The following SLC14A2 variants were observed in gnomAD, a reference collection of about 807,000 sequenced individuals.
The protein encoded by SLC14A2 is solute carrier family 14 member 2.
In SLC14A2, 91 loss-of-function variants were observed where a neutral mutation model predicts 104.6. That is an observed-to-expected ratio of 0.87 (90% CI 0.73 to 1.04). SLC14A2 has a LOEUF of 1.04. Among genes scored for constraint, SLC14A2 ranks in the 50% least tolerant of loss-of-function variants. The pLI, the probability that SLC14A2 is intolerant of heterozygous loss-of-function variation, is 0.00. For missense variants in SLC14A2, 1,189 were observed against 1,156.0 expected, an observed-to-expected ratio of 1.03 and a Z score of -0.41; for synonymous variants, 476 against 466.4, an observed-to-expected ratio of 1.02 and a Z score of -0.27.
chr18:45,657,394 G>A (rs1213535997), intron 10 of SLC14A2, among the ~76,000 whole-genome samples: 1 of 151,760 alleles, frequency 6.6e-6, no homozygotes, highest in Non-Finnish European at 1.5e-5. Context: ...GGCTGAGACA[G>A]GAGAATTGCT....
rs183807222 is a variant in SLC14A2 at position 45,619,921 on chromosome 18, G to A, written c.-35+4339G>A. Among the ~76,000 whole-genome samples the A allele has an allele frequency of 2.8e-4, 43 of 152,328 alleles. 1 individual carries two copies. The East Asian group carries it at 8.1e-3, about 29-fold the overall frequency. On this transcript the variant is annotated intron_variant, in intron 1 of 19. Coordinates refer to ENST00000255226, the MANE Select transcript of SLC14A2 (RefSeq NM_007163.4). ...CAAGTCAGCAATTTCACTGTCCTGA[G>A]AAGCCTACGTTGCCCTTCGGAGACA...
chr18:45,471,663 T>C (rs1472471725), intron 1 of SLC14A2, among the ~76,000 whole-genome samples: 1 of 152,162 alleles, frequency 6.6e-6, no homozygotes, highest in Non-Finnish European at 1.5e-5. Flanking sequence ...AGTCTGTTTT[T>C]GTGTCTTGAG....
intron 10 of SLC14A2, among the ~76,000 whole-genome samples, chr18:45,657,244 G>A (rs1222465991): frequency 6.6e-6 from 1 of 152,132 alleles, no homozygotes; most frequent in Non-Finnish European, 1.5e-5. Context: ...GGCAGAAGCG[G>A]GTGGATCACC....
At chr18:45,633,302 T>C (rs1413551015) in intron 5 of SLC14A2, among the ~76,000 whole-genome samples, 1 of 152,218 alleles carries the variant, frequency 6.6e-6, no homozygotes, top group East Asian at 1.9e-4. Context: ...AACCAAGACC[T>C]AAAAGCTGAA....
At chr18:45,576,401 G>C (rs576490397) in intron 2 of SLC14A2, among the ~76,000 whole-genome samples, 3 of 148,920 alleles carry the variant, frequency 2.0e-5, no homozygotes, top group Non-Finnish European at 3.0e-5. Context: ...CTCCTCCCTC[G>C]GTCTCCTGAG....
chr18:45,194,868 T>C, the SLC14A2 span, among the ~76,000 whole-genome samples: 1 of 152,012 alleles, frequency 6.6e-6, no homozygotes, highest in Non-Finnish European at 1.5e-5. Context: ...ACGGTCTCAA[T>C]CTCCCGACCT....
intron 1 of SLC14A2, among the ~76,000 whole-genome samples, chr18:45,356,384 C>T (rs572057129): frequency 6.6e-6 from 1 of 152,254 alleles, no homozygotes; most frequent in South Asian, 2.1e-4. Context: ...TATAGGAGTG[C>T]TGGTTAAACA....
At chr18:45,371,861 G>A (rs1353117279) in intron 1 of SLC14A2, among the ~76,000 whole-genome samples, 1 of 152,196 alleles carries the variant, frequency 6.6e-6, no homozygotes, top group South Asian at 2.1e-4. Context: ...TCATTGACGA[G>A]TATGTGTACC....
At chr18:45,245,173 A>C (rs376987237) in intron 1 of SLC14A2, among the ~76,000 whole-genome samples, 2 of 152,342 alleles carry the variant, frequency 1.3e-5, no homozygotes, top group Non-Finnish European at 2.9e-5. Flanking sequence ...CAATGGAGCA[A>C]ACTTCTAATT....
intron 2 of SLC14A2, among the ~76,000 whole-genome samples, chr18:45,547,068 G>T (rs564036491): frequency 3.9e-5 from 6 of 152,256 alleles, no homozygotes; most frequent in East Asian, 1.9e-4. Context: ...TCTGATTAGG[G>T]CATGGGCTAA....
At chr18:45,514,293 C>A (rs759158312) in intron 2 of SLC14A2, among the ~76,000 whole-genome samples, 20 of 152,086 alleles carry the variant, frequency 1.3e-4, no homozygotes, top group Non-Finnish European at 2.5e-4. Context: ...ACATGACTGA[C>A]GGGAGAGAGA....
chr18:45,454,884 C>T (rs1025543240), intron 1 of SLC14A2, among the ~76,000 whole-genome samples: 3 of 152,132 alleles, frequency 2.0e-5, no homozygotes, highest in African/African-American at 7.2e-5. Flanking sequence ...GGTACCAGTA[C>T]CATGCTGTTT....
chr18:45,458,115 G>C (rs192337002), intron 1 of SLC14A2, among the ~76,000 whole-genome samples: 21 of 152,204 alleles, frequency 1.4e-4, no homozygotes, highest in Non-Finnish European at 3.1e-4. Flanking sequence ...ATCCCTGAAG[G>C]GAGATAGACA....
chr18:45,202,911 T>A, the SLC14A2 span, among the ~76,000 whole-genome samples: 9 of 151,680 alleles, frequency 5.9e-5, no homozygotes, highest in Non-Finnish European at 1.2e-4. Context: ...CAGTAATGTG[T>A]AAAGAAAAAA....
chr18:45,657,742 A>C (rs1386935872), intron 10 of SLC14A2, among the ~76,000 whole-genome samples: 1 of 152,198 alleles, frequency 6.6e-6, no homozygotes, highest in Non-Finnish European at 1.5e-5. Context: ...TTGTGGCCTC[A>C]GTTTCCAAAT....
At chr18:45,622,146 G>A (rs56237282) in intron 1 of SLC14A2, among the ~76,000 whole-genome samples, 12,212 of 152,228 alleles carry the variant, frequency 0.08, 648 homozygotes, top group Non-Finnish European at 0.12. Flanking sequence ...TCTTCCCTGC[G>A]GGGCATGGCT....
At chr18:45,199,531 T>C in the SLC14A2 span, among the ~76,000 whole-genome samples, 1 of 152,206 alleles carries the variant, frequency 6.6e-6, no homozygotes, top group Non-Finnish European at 1.5e-5. Context: ...GTTTCTCACT[T>C]CCATCTATAA....
chr18:45,478,900 TC>T lies in SLC14A2; in HGVS notation c.-124-4329del, dbSNP rs1336693248. ...TAAGTGTTTTCTTATTTATACCACC[TC>T]CCCTTTTCTTAATGGAAGAGTCCAG... On this transcript the variant is annotated intron_variant, in intron 1 of 20. Coordinates refer to the SLC14A2 transcript ENST00000586448. Among the ~76,000 whole-genome samples the T allele has an allele frequency of 3.3e-5, 5 of 152,272 alleles. No individual in the cohort carries two copies. In the East Asian group the frequency reaches 9.6e-4, roughly 29 times the overall value.
intron 2 of SLC14A2, among the ~76,000 whole-genome samples, chr18:45,540,106 G>C (rs553460922): frequency 6.6e-6 from 1 of 151,614 alleles, no homozygotes; most frequent in Non-Finnish European, 1.5e-5. Flanking sequence ...TGGGCACTTT[G>C]TGCCTGATGA....
Sources: gnomAD v4.1 joint callset for allele counts (sites outside exome capture counted in the v4.1 genomes callset) on GRCh38, gnomAD v4.1.1 for gene constraint, MANE v1.5 for transcripts, NCBI Gene and HGNC (gene_info 2026-07-23, HGNC 2026-07-21) for gene names.